ZNF345: variants seen among roughly 807,000 people sequenced by gnomAD.
ZNF345 encodes the protein zinc finger protein HZF10.
For missense variants in ZNF345, 527 were observed against 589.9 expected, an observed-to-expected ratio of 0.89 and a Z score of 1.10; for synonymous variants, 166 against 187.9, an observed-to-expected ratio of 0.88 and a Z score of 0.95.
At chr19:36,891,884 T>A (rs2073057400) in intron 3 of ZNF345, 1 of 1,613,944 alleles carries the variant, frequency 6.2e-7, no homozygotes, top group Admixed American at 1.7e-5. Flanking sequence ...GTAAAGGCTT[T>A]CCCACATTCT....
downstream of ZNF345, among the ~76,000 whole-genome samples, chr19:36,880,534 A>G (rs1261770754): frequency 6.6e-6 from 1 of 152,112 alleles, no homozygotes; most frequent in African/African-American, 2.4e-5. Flanking sequence ...CTTGCCTGAA[A>G]TCTCAGCACT....
downstream of ZNF345, chr19:36,893,064 C>T (rs780714632): frequency 4.5e-5 from 18 of 398,624 alleles, no homozygotes; most frequent in Admixed American, 8.8e-5. Flanking sequence ...TTTTGCAATT[C>T]GTAGATAACT....
At chr19:36,854,879 A>G (rs1600687097) in intron 2 of ZNF345, among the ~76,000 whole-genome samples, 4 of 132,594 alleles carry the variant, frequency 3.0e-5, no homozygotes, top group Admixed American at 8.3e-5. Context: ...TTTTGGATGG[A>G]GTCTCTCTCT....
At chr19:36,891,328 T>C (rs897485554) in intron 3 of ZNF345, 2 of 640,184 alleles carry the variant, frequency 3.1e-6, no homozygotes, top group African/African-American at 3.8e-5. Context: ...AAATTTCTCT[T>C]GTTTTAAGCC....
chr19:36,886,409 C>T (rs969888656), intron 3 of ZNF345, among the ~76,000 whole-genome samples: 1 of 152,200 alleles, frequency 6.6e-6, no homozygotes, highest in African/African-American at 2.4e-5. Context: ...TCTTTGATAT[C>T]TATGAGGAAA....
intron 2 of ZNF345, 93 bp from the exon 3 acceptor site, chr19:36,876,692 T>A (rs2072887039): frequency 4.8e-6 from 4 of 831,408 alleles, no homozygotes; most frequent in Middle Eastern, 7.4e-4. Context: ...TTATGAAAAT[T>A]AAATTGTAGT....
rs559420664 is a variant in ZNF345 at position 36,886,844 on chromosome 19, A to G, written c.47-5974A>G. Among the ~76,000 whole-genome samples, 20 of 151,656 alleles carry G rather than the reference A, an allele frequency of 1.3e-4. No homozygotes were observed. The East Asian group carries it at 3.9e-3, about 29-fold the overall frequency. On this transcript the variant is annotated intron_variant, in intron 3 of 3. Transcript: ENST00000526123. ...CTACTAAAAAAAAAAAATACAAAAA[A>G]TTAGCCGGGCGTGGTGGTGGGCGCC... is the stretch of plus-strand genomic sequence containing the variant.
intron 2 of ZNF345, 37 bp from the exon 3 acceptor site, chr19:36,876,748 C>G: frequency 7.2e-7 from 1 of 1,395,914 alleles, no homozygotes; most frequent in Non-Finnish European, 9.7e-7. Context: ...TCCCAGAACA[C>G]AAAAAAGTGA....
intron 2 of ZNF345, among the ~76,000 whole-genome samples, chr19:36,868,191 A>T (rs2072700856): frequency 6.6e-6 from 1 of 151,988 alleles, no homozygotes; most frequent in African/African-American, 2.4e-5. Context: ...TTTAGTAGAG[A>T]CAGGGTTTTA....
chr19:36,886,260 G>A (rs996605880), intron 3 of ZNF345, among the ~76,000 whole-genome samples: 15 of 152,260 alleles, frequency 9.9e-5, no homozygotes, highest in African/African-American at 3.4e-4. Flanking sequence ...CCTTAAGTAC[G>A]TGCTGTGCAT....
intron 3 of ZNF345, chr19:36,888,606 T>G (rs927099486): frequency 6.6e-6 from 1 of 152,218 alleles, no homozygotes; most frequent in South Asian, 2.1e-4. Context: ...AGGGCAGTTG[T>G]GTTACATACA....
At chr19:36,873,032 T>C (rs1011549843) in intron 2 of ZNF345, among the ~76,000 whole-genome samples, 2 of 152,200 alleles carry the variant, frequency 1.3e-5, no homozygotes, top group African/African-American at 4.8e-5. Flanking sequence ...TTGCTTGATC[T>C]CCCATATTTT....
At chr19:36,891,394 A>G in intron 3 of ZNF345, 3 of 1,266,512 alleles carry the variant, frequency 2.4e-6, no homozygotes, top group Non-Finnish European at 3.2e-6. Context: ...ACGAATACAT[A>G]GGAGAACCTT....
At chr19:36,876,281 C>T (rs1213552401) in intron 2 of ZNF345, among the ~76,000 whole-genome samples, 1 of 152,142 alleles carries the variant, frequency 6.6e-6, no homozygotes, top group Non-Finnish European at 1.5e-5. Context: ...TCTTTTCTGT[C>T]TCCATCAGTT....
At chr19:36,870,663 G>A (rs530049157) in intron 2 of ZNF345, among the ~76,000 whole-genome samples, 1 of 152,212 alleles carries the variant, frequency 6.6e-6, no homozygotes, top group East Asian at 1.9e-4. Flanking sequence ...TATGATCTCT[G>A]TCTTATAGTA....
chr19:36,860,784 G>C lies in ZNF345; in HGVS notation c.-47+8880G>C, dbSNP rs192641878. 1.5e-4 allele frequency among the ~76,000 whole-genome samples: 23 copies of C among 152,254 alleles called. No homozygotes were observed. The East Asian group carries it at 4.2e-3, about 28-fold the overall frequency. On this transcript the variant is annotated intron_variant, in intron 2 of 2. Coordinates refer to ENST00000420450, the MANE Select transcript of ZNF345 (RefSeq NM_001242472.2). Reference sequence around the variant, plus strand: ...ATGTTTCTCCACTGTAATATTGACAGTTGTCTATTTGTAATTAATAGATAA... The same window carrying C: ...ATGTTTCTCCACTGTAATATTGACACTTGTCTATTTGTAATTAATAGATAA...
At chr19:36,874,483 A>C (rs2072839533) in intron 2 of ZNF345, among the ~76,000 whole-genome samples, 1 of 138,728 alleles carries the variant, frequency 7.2e-6, no homozygotes, top group Non-Finnish European at 1.5e-5. Context: ...GACACGAGTG[A>C]AACTCCACTA....
downstream of ZNF345, chr19:36,893,055 T>G: frequency 2.5e-6 from 1 of 399,470 alleles, no homozygotes; most frequent in Non-Finnish European, 4.4e-6. Flanking sequence ...TACTGTATGT[T>G]TTGCAATTCG....
At chr19:36,869,676 T>A (rs755264245) in intron 2 of ZNF345, among the ~76,000 whole-genome samples, 2 of 152,176 alleles carry the variant, frequency 1.3e-5, no homozygotes, top group Non-Finnish European at 2.9e-5. Context: ...CCTGACAAAT[T>A]ATTACACAGG....
Sources: gnomAD v4.1 joint callset for allele counts (sites outside exome capture counted in the v4.1 genomes callset) on GRCh38, gnomAD v4.1.1 for gene constraint, MANE v1.5 for transcripts, NCBI Gene and HGNC (gene_info 2026-07-23, HGNC 2026-07-21) for gene names.